Variants in WWC1 observed in about 807,000 individuals in gnomAD.
WWC1 encodes the protein protein KIBRA.
In WWC1, 55 loss-of-function variants were observed where a neutral mutation model predicts 138.4. The ratio of observed to expected loss-of-function variants is 0.40; its 90% CI spans 0.32 to 0.50. The LOEUF (loss-of-function observed/expected upper bound fraction) is 0.50, where lower values mean the gene tolerates loss of function less well. WWC1 is among the 20% of genes least tolerant of loss of function. The pLI is 0.72. For synonymous variants in WWC1, 524 were observed against 564.9 expected (o/e 0.93, Z 1.03); for missense variants, 1,226 against 1,420.4 (o/e 0.86, Z 2.20).
intron 13 of WWC1, 35 bp from the exon 14 acceptor site, chr5:168,430,102 C>T (rs1781826843): frequency 6.6e-7 from 1 of 1,504,430 alleles, no homozygotes; most frequent in South Asian, 1.1e-5. Flanking sequence ...GAGTGTGTTA[C>T]TAATAGGTAC....
chr5:168,430,289 T>C, intron 14 of WWC1, 66 bp downstream of exon 14: 1 of 1,359,098 alleles, frequency 7.4e-7, no homozygotes, highest in Non-Finnish European at 1.0e-6. Context: ...TGGGGGTCAC[T>C]TTTCTGCCCT....
intron 15 of WWC1, among the ~76,000 whole-genome samples, chr5:168,435,122 C>T (rs966189402): frequency 6.6e-5 from 10 of 152,152 alleles, no homozygotes; most frequent in Non-Finnish European, 8.8e-5. Context: ...ATTTACTCAC[C>T]CACTCATCAC....
chr5:168,357,491 TGTGC>T (rs1257991698), intron 1 of WWC1, among the ~76,000 whole-genome samples: 783 of 69,814 alleles, frequency 0.011, 7 homozygotes, highest in East Asian at 0.071. Flanking sequence ...TGTGTGTGTG[TGTGC>T]GCGCGCGCAC....
At chr5:168,405,914 A>T (rs1038584178) in intron 5 of WWC1, among the ~76,000 whole-genome samples, 7 of 151,614 alleles carry the variant, frequency 4.6e-5, no homozygotes, top group African/African-American at 1.7e-4. Context: ...TTTGGTAGAG[A>T]CGGGGTTTCA....
chr5:168,309,921 A>G (rs557769975), intron 1 of WWC1, among the ~76,000 whole-genome samples: 2 of 152,228 alleles, frequency 1.3e-5, no homozygotes, highest in Non-Finnish European at 2.9e-5. Context: ...CAACAAATCG[A>G]AAACTGAATC....
At chr5:168,420,468 A>C (rs1293255479) in intron 9 of WWC1, among the ~76,000 whole-genome samples, 1 of 152,110 alleles carries the variant, frequency 6.6e-6, no homozygotes, top group African/African-American at 2.4e-5. Context: ...TCACATTTGG[A>C]GGTACTGCTG....
chr5:168,315,030 C>T (rs144360213), intron 1 of WWC1, among the ~76,000 whole-genome samples: 6 of 152,256 alleles, frequency 3.9e-5, no homozygotes, highest in East Asian at 1.9e-4. Flanking sequence ...CTGCTGACAC[C>T]CCCCAGATTC....
At chr5:168,428,258 C>T in intron 12 of WWC1, 117 bp downstream of exon 12, 1 of 984,414 alleles carries the variant, frequency 1.0e-6, no homozygotes. Context: ...TGGGAGGAGC[C>T]CCAAGAGGGC....
Position 168,292,387 on chromosome 5 carries a change from C to T in WWC1, c.119+116C>T, listed in dbSNP as rs1394701771. 17 of 1,264,090 alleles carry T rather than the reference C, an allele frequency of 1.3e-5. No homozygotes were observed. In the African/African-American group the frequency reaches 2.5e-4, roughly 19 times the overall value. 78.3% of individuals were successfully genotyped at this position (1,264,090 alleles called of 1,614,324 possible). A position where few individuals can be genotyped will look rare whatever the true frequency, so the allele number is the denominator to read the frequency against. ...AGGGGAGCTCTGCGTGCCTCTTGAG[C>T]TCTCTTCAGTTCGCCACCCCCTGCT... On this transcript the variant is annotated intron_variant, in intron 1 of 22. Transcript: ENST00000265293. The surrounding 1 kb of genome is among the most constrained non-coding windows in gnomAD (Gnocchi z 4.4).
intron 1 of WWC1, among the ~76,000 whole-genome samples, chr5:168,341,180 G>A (rs139821009): frequency 1.3e-5 from 2 of 152,284 alleles, no homozygotes; most frequent in East Asian, 3.9e-4. Flanking sequence ...GAGTTGCAAG[G>A]TTCTGGCAGG....
In WWC1 at chr5:168,457,018, A is replaced by G. The variant is rs1188012948; in HGVS notation, c.2823+1498A>G. Among the ~76,000 whole-genome samples the G allele has an allele frequency of 3.3e-5, 5 of 152,140 alleles. No homozygotes were observed. The East Asian group carries it at 9.6e-4, about 29-fold the overall frequency. ...CTGTCCCACTTATTAAGCATCTGTA[A>G]CACACCAAGCACTATGCTTCCACTT... On this transcript the variant is annotated intron_variant, in intron 19 of 22. Transcript: ENST00000265293.
intron 3 of WWC1, among the ~76,000 whole-genome samples, chr5:168,386,981 A>G (rs768674425): frequency 7.9e-5 from 12 of 152,138 alleles, no homozygotes; most frequent in Non-Finnish European, 1.6e-4. Context: ...TTGTTCCTGT[A>G]TTTATTGAGT....
At chr5:168,455,233 C>G in intron 18 of WWC1, 123 bp from the exon 19 acceptor site, 2 of 1,253,334 alleles carry the variant, frequency 1.6e-6, no homozygotes, top group African/African-American at 1.5e-5. Context: ...GCCAAGGAAA[C>G]CCTGGTTGTG....
rs1424352853 is a variant in WWC1 at position 168,431,235 on chromosome 5, G to A, written c.2088-17G>A. 8 of 1,598,924 alleles carry A rather than the reference G, an allele frequency of 5.0e-6. No homozygotes were observed. Among genetic ancestry groups the A allele is most frequent in the African/African-American group, 1.3e-5 (1 of 74,424 alleles). On this transcript the variant is annotated splice_polypyrimidine_tract_variant and intron_variant, in intron 14 of 22. Coordinates refer to ENST00000265293, the MANE Select transcript of WWC1 (RefSeq NM_015238.3). ...ATGGGCTGACCCAAGATTTCCTGCG[G>A]TTCTGTCTCCCTCTAGGAATATCCG...
chr5:168,455,497 C>T lies in WWC1; in HGVS notation c.2800C>T (p.Pro934Ser). Residue 934 changes from proline to serine, a missense_variant, in exon 19 of 23, where the codon CCC becomes TCC. Physicochemically the swap from Pro to Ser is moderately conservative, Grantham distance 74 (BLOSUM62 -1). Transcript: ENST00000265293. ...CCGCTCTAAGACCTTCTCCCCAGGACCCCAGAGCCAGTACGTGTGCCGGGT... is the reference window on the plus strand; with the variant it reads ...CCGCTCTAAGACCTTCTCCCCAGGATCCCAGAGCCAGTACGTGTGCCGGGT... Reference protein sequence around the residue: ...IIRSKTFSPGPQSQYVCRLNR... With the variant: ...IIRSKTFSPGSQSQYVCRLNR... 1 of 1,612,984 alleles carries T rather than the reference C, an allele frequency of 6.2e-7. No homozygotes were observed.
chr5:168,310,858 G>A (rs1771011008), intron 1 of WWC1, among the ~76,000 whole-genome samples: 2 of 117,312 alleles, frequency 1.7e-5, no homozygotes, highest in African/African-American at 5.9e-5. Context: ...ATAACTTGGA[G>A]ATACGTTTCT....
At chr5:168,407,778 G>A (rs1200526170) in intron 6 of WWC1, among the ~76,000 whole-genome samples, 1 of 152,162 alleles carries the variant, frequency 6.6e-6, no homozygotes, top group African/African-American at 2.4e-5. Context: ...CAGTTACTGA[G>A]TATGGGCTGT....
chr5:168,418,992 T>C (rs1301477918), intron 9 of WWC1, among the ~76,000 whole-genome samples: 1 of 152,148 alleles, frequency 6.6e-6, no homozygotes, highest in Non-Finnish European at 1.5e-5. Context: ...TGCCTGCTGC[T>C]CCTGTTGCCT....
At chr5:168,412,108 G>A (rs1259915112) in intron 8 of WWC1, 2 of 985,304 alleles carry the variant, frequency 2.0e-6, no homozygotes, top group African/African-American at 1.7e-5. Context: ...GTTCCATCCT[G>A]CAGGAATGCC....
Sources: gnomAD v4.1 joint callset for allele counts (sites outside exome capture counted in the v4.1 genomes callset) on GRCh38, gnomAD v4.1.1 for gene constraint, Gnocchi (gnomAD v3.1) non-coding constraint, MANE v1.5 for transcripts, NCBI Gene and HGNC (gene_info 2026-07-23, HGNC 2026-07-21) for gene names.